The following GLI3 variants were observed in gnomAD, a reference collection of about 807,000 sequenced individuals.
The protein encoded by GLI3 is GLI family zinc finger 3.
Under a neutral mutation model 100.8 loss-of-function variants are expected in GLI3, and 20 were observed. The observed-to-expected ratio is 0.20, with a 90% confidence interval of 0.14 to 0.29. GLI3 has a LOEUF of 0.29. Ranked by LOEUF, GLI3 falls within the 10% of genes least tolerant of loss-of-function variation. GLI3 has a pLI of 1.00. For missense variants in GLI3, 2,040 were observed against 2,128.5 expected (o/e 0.96, Z 0.82); for synonymous variants, 938 against 860.5 (o/e 1.09, Z -1.58).
At chr7:42,113,516 A>G (rs1254184100) in intron 3 of GLI3, 9 of 1,127,172 alleles carry the variant, frequency 8.0e-6, no homozygotes, top group African/African-American at 4.6e-5. Flanking sequence ...ACCCAAAGGG[A>G]AAAAGGGAAA....
chr7:41,972,695 CTTTATGGTTGCTCATTACA>C lies in GLI3; in HGVS notation c.1813-87_1813-69del. On this transcript the variant is annotated intron_variant, in intron 12 of 14. Coordinates refer to ENST00000395925, the MANE Select transcript of GLI3 (RefSeq NM_000168.6). This position sits in a 1 kb window ranked among gnomAD's most constrained non-coding sequence, Gnocchi z 4.4. ...GAGACTATGCCCCAGCCCAAAAGTC[CTTTATGGTTGCTCATTACA>C]TTTTTAATCCTTTCAAAACACTTTC... 7.6e-7 allele frequency: 1 copy of C among 1,322,750 alleles called. No individual in the cohort carries two copies. Among genetic ancestry groups the C allele is most frequent in the South Asian group, 1.2e-5 (1 of 82,676 alleles). The allele number at this position is 1,322,750 out of a possible 1,614,324, so 81.9% of individuals were successfully genotyped here.
chr7:42,038,707 A>G (rs1192619441), intron 7 of GLI3, among the ~76,000 whole-genome samples: 1 of 152,244 alleles, frequency 6.6e-6, no homozygotes, highest in Non-Finnish European at 1.5e-5. Context: ...TCATATTAAA[A>G]TTAGGATTTA....
intron 5 of GLI3, among the ~76,000 whole-genome samples, chr7:42,047,805 G>GCATGGT (rs1562702511): frequency 6.6e-6 from 1 of 152,096 alleles, no homozygotes; most frequent in Non-Finnish European, 1.5e-5. Flanking sequence ...TTTTCATGTG[G>GCATGGT]CATGGTCAAG....
intron 1 of GLI3, among the ~76,000 whole-genome samples, chr7:42,250,637 T>C (rs1380916167): frequency 6.6e-6 from 1 of 152,150 alleles, no homozygotes; most frequent in African/African-American, 2.4e-5. Flanking sequence ...TTTCCACCAA[T>C]GCACAGCCTG....
chr7:42,190,963 C>A (rs1787815366), intron 2 of GLI3, among the ~76,000 whole-genome samples: 1 of 151,838 alleles, frequency 6.6e-6, no homozygotes, highest in South Asian at 2.1e-4. Flanking sequence ...AAATTTAATA[C>A]TTTTTTTAAA....
intron 2 of GLI3, among the ~76,000 whole-genome samples, chr7:42,165,219 G>T (rs1282716679): frequency 5.9e-5 from 9 of 151,934 alleles, no homozygotes; most frequent in Admixed American, 5.2e-4. Flanking sequence ...ATTGAGTAGG[G>T]TGCGCTCTCT....
chr7:42,118,275 CCTAA>C (rs1785910049), intron 3 of GLI3: 1 of 398,696 alleles, frequency 2.5e-6, no homozygotes, highest in Non-Finnish European at 4.4e-6. Flanking sequence ...AGTTCAGAGT[CCTAA>C]CTATGGACTA....
chr7:42,082,654 G>A (rs1321265802), intron 3 of GLI3, among the ~76,000 whole-genome samples: 4 of 152,074 alleles, frequency 2.6e-5, no homozygotes, highest in Non-Finnish European at 5.9e-5. Flanking sequence ...AAACTCCTCC[G>A]GAATCATCAG....
intron 3 of GLI3, among the ~76,000 whole-genome samples, chr7:42,140,618 A>G (rs900073518): frequency 1.3e-5 from 2 of 152,222 alleles, no homozygotes; most frequent in Admixed American, 6.5e-5. Context: ...GGGAGAAGAG[A>G]GCAATAAAAT....
chr7:42,138,079 C>T (rs1426521608), intron 3 of GLI3, among the ~76,000 whole-genome samples: 1 of 152,210 alleles, frequency 6.6e-6, no homozygotes, highest in Non-Finnish European at 1.5e-5. Context: ...GCTTTGAGAA[C>T]AAGAACCTGA....
At chr7:42,164,881 G>GT (rs1033428990) in intron 2 of GLI3, among the ~76,000 whole-genome samples, 489 of 144,936 alleles carry the variant, frequency 3.4e-3, no homozygotes, top group Middle Eastern at 0.014. Context: ...GGGGGTTTTG[G>GT]TTTTTTTTTT....
chr7:42,008,265 C>A (rs1036491025), intron 10 of GLI3, among the ~76,000 whole-genome samples: 4 of 152,086 alleles, frequency 2.6e-5, no homozygotes, highest in Non-Finnish European at 4.4e-5. Context: ...TTCCTTATAC[C>A]AAGCCTAAAT....
At chr7:42,147,638 G>A (rs1175506964) in intron 3 of GLI3, among the ~76,000 whole-genome samples, 3 of 152,186 alleles carry the variant, frequency 2.0e-5, no homozygotes, top group Non-Finnish European at 2.9e-5. Flanking sequence ...TTTCTTAAAC[G>A]TGATTAGTGC....
At chr7:41,988,899 C>T (rs149991971) in intron 10 of GLI3, among the ~76,000 whole-genome samples, 170 of 152,264 alleles carry the variant, frequency 1.1e-3, no homozygotes, top group African/African-American at 3.7e-3. Context: ...CAGTAAGTTG[C>T]CTTTTGTTAA....
At chr7:42,245,754 A>G (rs1157973456) in intron 1 of GLI3, among the ~76,000 whole-genome samples, 1 of 152,146 alleles carries the variant, frequency 6.6e-6, no homozygotes, top group African/African-American at 2.4e-5. Flanking sequence ...TAAATATAAT[A>G]ATACTTATTC....
At chr7:41,979,465 T>C (rs565945322) in intron 10 of GLI3, among the ~76,000 whole-genome samples, 8 of 152,328 alleles carry the variant, frequency 5.3e-5, no homozygotes, top group East Asian at 1.9e-4. Context: ...AAAATTCTAT[T>C]AATACAGTTT....
At chr7:42,118,180 C>G (rs1455780333) in intron 3 of GLI3, 2 of 394,876 alleles carry the variant, frequency 5.1e-6, no homozygotes, top group African/African-American at 2.1e-5. Context: ...GAAATACACT[C>G]AAGGGCTTTT....
At chr7:41,968,092 G>A (rs909138426) in intron 13 of GLI3, among the ~76,000 whole-genome samples, 169 bp from the exon 14 acceptor site, 2 of 152,160 alleles carry the variant, frequency 1.3e-5, no homozygotes, top group Non-Finnish European at 2.9e-5. Context: ...CCAGAATGAC[G>A]GATGGACCAC....
chr7:42,141,854 T>A (rs1786575727), intron 3 of GLI3, among the ~76,000 whole-genome samples: 1 of 152,018 alleles, frequency 6.6e-6, no homozygotes, highest in Non-Finnish European at 1.5e-5. Context: ...AAGAAGCCAC[T>A]CTGATGGGCA....
Sources: allele counts gnomAD v4.1 joint callset (sites outside exome capture counted in the v4.1 genomes callset), GRCh38; gene constraint gnomAD v4.1.1; non-coding constraint Gnocchi (gnomAD v3.1); transcripts MANE v1.5; gene names NCBI Gene and HGNC (gene_info 2026-07-23, HGNC 2026-07-21).